Variants in TTC7A observed in about 807,000 individuals in gnomAD.
TTC7A encodes the protein tetratricopeptide repeat protein 7A.
TTC7A carries 110 observed loss-of-function variants against 103.7 expected under a neutral mutation model. The ratio of observed to expected loss-of-function variants is 1.06; its 90% CI spans 0.91 to 1.24. The LOEUF (loss-of-function observed/expected upper bound fraction) is 1.24. Among genes scored for constraint, TTC7A ranks in the 50% most tolerant of loss-of-function variants. The pLI, the probability that TTC7A is intolerant of heterozygous loss-of-function variation, is 0.00. For synonymous variants in TTC7A, 521 were observed against 467.9 expected, an observed-to-expected ratio of 1.11 and a Z score of -1.47; for missense variants, 1,340 against 1,116.3, an observed-to-expected ratio of 1.20 and a Z score of -2.86.
chr2:47,023,359 C>T (rs773029507), intron 12 of TTC7A, 49 bp from the exon 13 acceptor site: 12 of 1,601,698 alleles, frequency 7.5e-6, no homozygotes, highest in East Asian at 2.2e-5. Flanking sequence ...GCTGGGCCGG[C>T]ACCCTTCAGT....
chr2:47,027,920 T>C (rs6761572), intron 14 of TTC7A, among the ~76,000 whole-genome samples: 28,733 of 152,152 alleles, frequency 0.19, 3,020 homozygotes, highest in African/African-American at 0.29. Flanking sequence ...AATTCTTTTT[T>C]CTCCTTAATG....
chr2:47,024,489 T>C lies in TTC7A; in HGVS notation c.1641+130T>C, dbSNP rs912753957. 43 of 807,206 alleles carry C rather than the reference T, an allele frequency of 5.3e-5. No homozygotes were observed. In the African/African-American group the frequency reaches 5.6e-4, roughly 11 times the overall value. 50.0% of individuals were successfully genotyped at this position (807,206 alleles called of 1,614,324 possible). ...CCTGAGTTTGTTTCCTTATCTGTCA[T>C]GTAAGTCCTTTGAGCCCTCATCAGA... On this transcript the variant is annotated intron_variant, in intron 14 of 19. Transcript: ENST00000319190.
At chr2:47,033,854 G>A (rs528392468) in intron 15 of TTC7A, among the ~76,000 whole-genome samples, 2 of 152,314 alleles carry the variant, frequency 1.3e-5, no homozygotes, top group African/African-American at 4.8e-5. Flanking sequence ...TCCAGGAGGT[G>A]CTGGCAGCCG....
chr2:47,030,209 A>T (rs1680383870), intron 15 of TTC7A, among the ~76,000 whole-genome samples: 1 of 152,228 alleles, frequency 6.6e-6, no homozygotes, highest in Non-Finnish European at 1.5e-5. Flanking sequence ...GTCCCCCTGC[A>T]GACAGCAAGG....
intron 2 of TTC7A, among the ~76,000 whole-genome samples, chr2:46,921,317 C>G (rs1669090960): frequency 6.6e-6 from 1 of 152,186 alleles, no homozygotes; most frequent in Non-Finnish European, 1.5e-5. Flanking sequence ...TTAGCACTGT[C>G]ACAGGATACA....
intron 3 of TTC7A, among the ~76,000 whole-genome samples, chr2:46,973,213 A>T (rs1200971652): frequency 1.3e-5 from 2 of 152,172 alleles, no homozygotes; most frequent in Admixed American, 6.5e-5. Context: ...AGGGTTGTGG[A>T]ACAGCAAAGT....
At chr2:46,936,525 G>T (rs903177389), upstream of TTC7A, among the ~76,000 whole-genome samples, 6 of 152,242 alleles carry the variant, frequency 3.9e-5, no homozygotes, top group South Asian at 8.3e-4. Context: ...AGGCTGGGGG[G>T]TCCTGAGCCA....
At chr2:47,038,980 G>C (rs1440540436) in intron 15 of TTC7A, among the ~76,000 whole-genome samples, 1 of 152,162 alleles carries the variant, frequency 6.6e-6, no homozygotes. Context: ...AGGAAGACAG[G>C]TCTGACAACA....
chr2:47,018,510 A>G (rs1409910303), intron 11 of TTC7A, among the ~76,000 whole-genome samples: 1 of 150,580 alleles, frequency 6.6e-6, no homozygotes, highest in East Asian at 2.0e-4. Context: ...TTTGAATCCC[A>G]GAGGTGAAGG....
chr2:46,999,520 TA>T, intron 8 of TTC7A: 1 of 985,442 alleles, frequency 1.0e-6, no homozygotes, highest in Non-Finnish European at 1.2e-6. Context: ...CTCAGCAATG[TA>T]AAGACAACGA....
intron 14 of TTC7A, among the ~76,000 whole-genome samples, chr2:47,028,870 C>T (rs747575366): frequency 3.3e-5 from 5 of 152,184 alleles, no homozygotes; most frequent in African/African-American, 4.8e-5. Context: ...TCATCATCTC[C>T]TCCTGGAAGG....
intron 11 of TTC7A, among the ~76,000 whole-genome samples, chr2:47,020,709 G>C (rs555804655): frequency 3.9e-5 from 6 of 152,362 alleles, no homozygotes; most frequent in African/African-American, 1.4e-4. Context: ...TGCTCTTTCA[G>C]TTTGCACATA....
At chr2:47,008,910 A>G (rs1677719729) in intron 10 of TTC7A, among the ~76,000 whole-genome samples, 1 of 152,054 alleles carries the variant, frequency 6.6e-6, no homozygotes, top group Non-Finnish European at 1.5e-5. Flanking sequence ...TGACAAAAAA[A>G]AAAAAAGCTG....
Position 47,024,239 on chromosome 2 carries a change from G to A in TTC7A, c.1569-48G>A, listed in dbSNP as rs745498293. ...TGCTGGAGGCCCGAGTCACACGTTGGTCACTCAACCCCTGGTGCCTGACTT... is the reference window on the plus strand; with the variant it reads ...TGCTGGAGGCCCGAGTCACACGTTGATCACTCAACCCCTGGTGCCTGACTT... On this transcript the variant is annotated intron_variant, in intron 13 of 19. Coordinates refer to ENST00000319190, the MANE Select transcript of TTC7A (RefSeq NM_020458.4). 29 of 1,526,708 alleles carry A rather than the reference G, an allele frequency of 1.9e-5. No homozygotes were observed. In the South Asian group the frequency reaches 3.2e-4, roughly 17 times the overall value. 94.6% of individuals were successfully genotyped at this position (1,526,708 alleles called of 1,614,324 possible).
chr2:47,012,098 A>T (rs1461360328), intron 11 of TTC7A, among the ~76,000 whole-genome samples: 1 of 152,186 alleles, frequency 6.6e-6, no homozygotes, highest in Non-Finnish European at 1.5e-5. Flanking sequence ...CAGTGCCAGG[A>T]GCCCAGGTCC....
intron 11 of TTC7A, among the ~76,000 whole-genome samples, chr2:47,017,706 T>C (rs1241465309): frequency 6.6e-6 from 1 of 152,142 alleles, no homozygotes; most frequent in African/African-American, 2.4e-5. Context: ...TGCCAACTTA[T>C]GCTCATGTAG....
Position 46,975,054 on chromosome 2 carries a change from T to A in TTC7A, c.599T>A (p.Phe200Tyr). 6.2e-7 allele frequency: 1 copy of A among 1,613,984 alleles called. No individual in the cohort carries two copies. Among genetic ancestry groups the A allele is most frequent in the Non-Finnish European group, 8.5e-7 (1 of 1,179,918 alleles). The change falls in exon 4 of 20, where the codon TTT becomes TAT. Residue 200 changes from phenylalanine to tyrosine, a missense_variant. Coordinates refer to ENST00000319190, the MANE Select transcript of TTC7A (RefSeq NM_020458.4). ...AGGGAGGAGGAAGTGATCACCTGTT[T>A]TGAGAGGGCCTCCTGGATCGCTCAG... Reference protein sequence around the residue: ...TEREEEVITCFERASWIAQVF... With the variant: ...TEREEEVITCYERASWIAQVF...
Position 47,023,477 on chromosome 2 carries a change from C to G in TTC7A, c.1568+12C>G. 2 of 1,613,954 alleles carry G rather than the reference C, an allele frequency of 1.2e-6. No homozygotes were observed. Among genetic ancestry groups the G allele is most frequent in the African/African-American group, 1.3e-5 (1 of 75,022 alleles). On this transcript the variant is annotated intron_variant, in intron 13 of 19. Coordinates refer to ENST00000319190, the MANE Select transcript of TTC7A (RefSeq NM_020458.4). ...CAGACGCTGGAGAGGTGAGGAGGCT[C>G]CCACCTGCAGCAGAGGCCCCTCTTG... is the stretch of plus-strand genomic sequence containing the variant.
intron 18 of TTC7A, among the ~76,000 whole-genome samples, chr2:47,052,090 C>T (rs559665487): frequency 5.3e-5 from 8 of 152,346 alleles, no homozygotes; most frequent in Admixed American, 5.2e-4. Context: ...TCTCTGGCAG[C>T]AAGCCCAAAC....
Sources: allele counts gnomAD v4.1 joint callset (sites outside exome capture counted in the v4.1 genomes callset), GRCh38; gene constraint gnomAD v4.1.1; transcripts MANE v1.5; gene names NCBI Gene and HGNC (gene_info 2026-07-23, HGNC 2026-07-21).